CLEC14A: variants seen among roughly 807,000 people sequenced by gnomAD.
The protein encoded by CLEC14A is C-type lectin domain family 14 member A.
For missense variants in CLEC14A, 682 were observed against 659.9 expected, an observed-to-expected ratio of 1.03 and a Z score of -0.37; for synonymous variants, 349 against 292.0, an observed-to-expected ratio of 1.20 and a Z score of -1.99.
chr14:38,254,527 G>T lies in CLEC14A; in HGVS notation c.*23C>A, dbSNP rs201047214. 2.6e-4 allele frequency: 401 copies of T among 1,522,838 alleles called. 2 individuals are homozygous for T. The highest frequency in any genetic ancestry group is 1.8e-4 in the Middle Eastern group (1 of 5,660). 94.3% of individuals were successfully genotyped at this position (1,522,838 alleles called of 1,614,324 possible). The stretch of plus-strand genomic sequence containing the variant: ...ATCAAAAGTGAAAAACTGTTCACAG[G>T]AGTGCCCATGTCCCCTGTTTCCCTA... On this transcript the variant is annotated 3_prime_UTR_variant, in exon 1 of 1. Transcript: ENST00000342213.
chr14:38,254,498 T>A lies in CLEC14A; in HGVS notation c.*52A>T. On this transcript the variant is annotated 3_prime_UTR_variant, in exon 1 of 1. Coordinates refer to ENST00000342213, the MANE Select transcript of CLEC14A (RefSeq NM_175060.3). ...CAAGTAAGTTCCTCTTGGTTCCCCG[T>A]TTCATCAAAAGTGAAAAACTGTTCA... The A allele has an allele frequency of 6.7e-7, 1 of 1,486,846 alleles. No homozygotes were observed. Among genetic ancestry groups the A allele is most frequent in the Non-Finnish European group, 9.0e-7 (1 of 1,110,352 alleles). 92.1% of individuals were successfully genotyped at this position (1,486,846 alleles called of 1,614,324 possible).
Position 38,255,374 on chromosome 14 carries a change from G to A in CLEC14A, c.649C>T (p.Arg217Trp), listed in dbSNP as rs750035910. The A allele has an allele frequency of 7.4e-6, 12 of 1,613,474 alleles. No individual in the cohort carries two copies. The highest frequency in any genetic ancestry group is 1.6e-4 in the Middle Eastern group (1 of 6,062). The change falls in exon 1 of 1, where the codon CGG becomes TGG. Residue 217 changes from arginine (R) to tryptophan (W), a missense_variant. By Grantham distance (101) the Arg-to-Trp change is moderately radical. Coordinates refer to ENST00000342213, the MANE Select transcript of CLEC14A (RefSeq NM_175060.3). The surrounding 1 kb of genome is among the most constrained non-coding windows in gnomAD (Gnocchi z 5.1). Reference protein sequence around the residue: ...PPGTEVSALCRGQLPISVTCI... With the variant: ...PPGTEVSALCWGQLPISVTCI... ...GTAACTGAGATCGGGAGCTGTCCCC[G>A]GCAGAGCGCACTCACCTCGGTCCCA...
In CLEC14A at chr14:38,254,494, C is replaced by A; in HGVS notation, c.*56G>T. The A allele has an allele frequency of 6.8e-7, 1 of 1,470,318 alleles. No homozygotes were observed. Among genetic ancestry groups the A allele is most frequent in the Non-Finnish European group, 9.1e-7 (1 of 1,095,826 alleles). 91.1% of individuals were successfully genotyped at this position (1,470,318 alleles called of 1,614,324 possible). A position where few individuals can be genotyped will look rare whatever the true frequency, so the allele number is the denominator to read the frequency against. ...TACACAAGTAAGTTCCTCTTGGTTCCCCGTTTCATCAAAAGTGAAAAACTG... is the reference window on the plus strand; with the variant it reads ...TACACAAGTAAGTTCCTCTTGGTTCACCGTTTCATCAAAAGTGAAAAACTG... On this transcript the variant is annotated 3_prime_UTR_variant, in exon 1 of 1. Coordinates refer to ENST00000342213, the MANE Select transcript of CLEC14A (RefSeq NM_175060.3).
Position 38,255,224 on chromosome 14 carries a change from C to A in CLEC14A, c.799G>T (p.Gly267Ter), listed in dbSNP as rs1884021738. 6.2e-7 allele frequency: 1 copy of A among 1,613,776 alleles called. No homozygotes were observed. The highest frequency in any genetic ancestry group is 1.3e-5 in the African/African-American group (1 of 74,926). Reference sequence around the variant, plus strand: ...GTAGCACATTCGCAGGCAAAGCCTCCCAAGTCGTCTAGGCAGTTAGGGAGC... The same window carrying A: ...GTAGCACATTCGCAGGCAAAGCCTCACAAGTCGTCTAGGCAGTTAGGGAGC... ...AELPNCLDDL[G>*]GFACECATGF... The change falls in exon 1 of 1, where the codon GGA (glycine) becomes TGA (stop). Residue 267 changes from glycine to a stop codon, truncating the protein, a stop_gained. Transcript: ENST00000342213. LOFTEE classifies it low-confidence loss of function (END_TRUNC). This position sits in a 1 kb window ranked among gnomAD's most constrained non-coding sequence, Gnocchi z 5.1.
At position 38,254,987 on chromosome 14, in the gene CLEC14A, T is replaced by C. The variant is rs1884013587; in HGVS notation, c.1036A>G (p.Ile346Val). The part of the protein sequence containing the change: ...QDNSVTSIPE[I>V]PRWGSQSTMS... ...GTGCTCTGTGATCCCCATCGAGGAA[T>C]CTCAGGAATAGATGTTACTGAATTG... Residue 346 changes from isoleucine (I) to valine (V), a missense_variant, in exon 1 of 1, where the codon ATT becomes GTT. Physicochemically the swap from Ile to Val is conservative, Grantham distance 29 (BLOSUM62 3). Coordinates refer to ENST00000342213, the MANE Select transcript of CLEC14A (RefSeq NM_175060.3). The C allele has an allele frequency of 6.2e-7, 1 of 1,613,978 alleles. No homozygotes were observed. The highest frequency in any genetic ancestry group is 8.5e-7 in the Non-Finnish European group (1 of 1,180,010).
In CLEC14A at chr14:38,255,230, C is replaced by A. The variant is rs780001182; in HGVS notation, c.793G>T (p.Asp265Tyr). The change falls in exon 1 of 1, where the codon GAC (aspartate) becomes TAC (tyrosine). Residue 265 changes from aspartate (D) to tyrosine (Y), a missense_variant. Physicochemically the swap from Asp to Tyr is radical, Grantham distance 160. Transcript: ENST00000342213. This position sits in a 1 kb window ranked among gnomAD's most constrained non-coding sequence, Gnocchi z 5.1. The part of the protein sequence containing the change: ...KCAELPNCLD[D>Y]LGGFACECAT... ...CATTCGCAGGCAAAGCCTCCCAAGT[C>A]GTCTAGGCAGTTAGGGAGCTCTGCG... 6 of 1,613,784 alleles carry A rather than the reference C, an allele frequency of 3.7e-6. No individual in the cohort carries two copies. In the East Asian group the frequency reaches 8.9e-5, roughly 24 times the overall value.
At position 38,256,037 on chromosome 14, in the gene CLEC14A, C is replaced by T. The variant is rs1454637325; in HGVS notation, c.-15G>A. On this transcript the variant is annotated 5_prime_UTR_variant, in exon 1 of 1. Transcript: ENST00000342213. ...GCCGGCCTCATTCTCTGAGGCCCCG[C>T]ACGCAGAGCTGCTCCCAACTTGGAT... The T allele has an allele frequency of 1.7e-5, 26 of 1,505,428 alleles. No individual in the cohort carries two copies. Among genetic ancestry groups the T allele is most frequent in the Non-Finnish European group, 2.3e-5 (26 of 1,128,160 alleles). 93.3% of individuals were successfully genotyped at this position (1,505,428 alleles called of 1,614,324 possible). A position where few individuals can be genotyped will look rare whatever the true frequency, so the allele number is the denominator to read the frequency against.
chr14:38,254,771 G>A lies in CLEC14A; in HGVS notation c.1252C>T (p.Leu418=), dbSNP rs1429302089. ...VVLVILTMTV[L]GLVKLCFHES... The stretch of plus-strand genomic sequence containing the variant: ...TGAAAGCAGAGCTTGACAAGCCCCA[G>A]TACTGTCATGGTCAAGATCACCAAC... The change falls in exon 1 of 1, where the codon CTG becomes TTG. Residue 418 remains leucine, a synonymous_variant. Transcript: ENST00000342213. 1 of 1,614,160 alleles carries A rather than the reference G, an allele frequency of 6.2e-7. No individual in the cohort carries two copies. The highest frequency in any genetic ancestry group is 1.1e-5 in the South Asian group (1 of 91,086).
rs1225516706 is a variant in CLEC14A at position 38,255,840 on chromosome 14, G to A, written c.183C>T (p.Leu61=). 6.5e-7 allele frequency: 1 copy of A among 1,547,684 alleles called. No homozygotes were observed. Among genetic ancestry groups the A allele is most frequent in the East Asian group, 2.4e-5 (1 of 41,470 alleles). The change falls in exon 1 of 1, where the codon CTC becomes CTT. Residue 61 remains leucine, a synonymous_variant. Coordinates refer to ENST00000342213, the MANE Select transcript of CLEC14A (RefSeq NM_175060.3). This position sits in a 1 kb window ranked among gnomAD's most constrained non-coding sequence, Gnocchi z 5.1. ...EEACILRGGA[L]STVRAGAELR... ...GCTCGGCGCCCGCACGCACGGTGCT[G>A]AGCGCCCCACCTCGCAGGATGCAGG...
rs1482390868 is a variant in CLEC14A at position 38,256,050 on chromosome 14, T to C, written c.-28A>G. On this transcript the variant is annotated 5_prime_UTR_variant, in exon 1 of 1. Transcript: ENST00000342213. ...TCTGAGGCCCCGCACGCAGAGCTGC[T>C]CCCAACTTGGATCTGTCCCGCTCGA... 1 of 1,492,524 alleles carries C rather than the reference T, an allele frequency of 6.7e-7. No individual in the cohort carries two copies. Among genetic ancestry groups the C allele is most frequent in the Admixed American group, 2.3e-5 (1 of 44,022 alleles). 92.5% of individuals were successfully genotyped at this position (1,492,524 alleles called of 1,614,324 possible). A position where few individuals can be genotyped will look rare whatever the true frequency, so the allele number is the denominator to read the frequency against.
In CLEC14A at chr14:38,255,715, C is replaced by T. The variant is rs1020290207; in HGVS notation, c.308G>A (p.Cys103Tyr). The change falls in exon 1 of 1, where the codon TGC becomes TAC. Residue 103 changes from cysteine (C) to tyrosine (Y), a missense_variant. Cys to Tyr is a radical substitution (Grantham distance 194, BLOSUM62 -2). Coordinates refer to ENST00000342213, the MANE Select transcript of CLEC14A (RefSeq NM_175060.3). The surrounding 1 kb of genome is among the most constrained non-coding windows in gnomAD (Gnocchi z 5.1). ...WVALERRRSH[C>Y]TLENEPLRGF... ...CCGCAAAGGCTCGTTCTCCAGGGTG[C>T]AGTGGGAACGCCTGCGCTCCAGTGC... is the stretch of plus-strand genomic sequence containing the variant. 1 of 1,567,382 alleles carries T rather than the reference C, an allele frequency of 6.4e-7. No homozygotes were observed. The highest frequency in any genetic ancestry group is 8.6e-7 in the Non-Finnish European group (1 of 1,159,524).
In CLEC14A at chr14:38,255,835, G is replaced by A; in HGVS notation, c.188C>T (p.Thr63Ile). Residue 63 changes from threonine (T) to isoleucine (I), a missense_variant, in exon 1 of 1, where the codon ACC becomes ATC. Transcript: ENST00000342213. This position sits in a 1 kb window ranked among gnomAD's most constrained non-coding sequence, Gnocchi z 5.1. ...ACILRGGALS[T>I]VRAGAELRAV... ...GCGCAGCTCGGCGCCCGCACGCACG[G>A]TGCTGAGCGCCCCACCTCGCAGGAT... 1 of 1,545,442 alleles carries A rather than the reference G, an allele frequency of 6.5e-7. No individual in the cohort carries two copies. Among genetic ancestry groups the A allele is most frequent in the South Asian group, 1.2e-5 (1 of 84,750 alleles).
rs779328236 is a variant in CLEC14A at position 38,254,260 on chromosome 14, T to C, written c.*290A>G. The C allele has an allele frequency of 8.0e-5, 24 of 298,794 alleles. No homozygotes were observed. Among genetic ancestry groups the C allele is most frequent in the Non-Finnish European group, 1.3e-4 (22 of 163,210 alleles). 18.5% of individuals were successfully genotyped at this position (298,794 alleles called of 1,614,324 possible). On this transcript the variant is annotated 3_prime_UTR_variant, in exon 1 of 1. Coordinates refer to ENST00000342213, the MANE Select transcript of CLEC14A (RefSeq NM_175060.3). Reference sequence around the variant, plus strand: ...TATATTGTGTTCTATTTGTTTCCAATGTCTTGAAAAGTTCAATCACTTCTC... The same window carrying C: ...TATATTGTGTTCTATTTGTTTCCAACGTCTTGAAAAGTTCAATCACTTCTC...
rs1884003819 is a variant in CLEC14A at position 38,254,675 on chromosome 14, C to T, written c.1348G>A (p.Ala450Thr). Residue 450 changes from alanine to threonine, a missense_variant, in exon 1 of 1, where the codon GCT becomes ACT. Transcript: ENST00000342213. ...PPGLESDPEP[A>T]ALGSSSAHCT... is the part of the protein sequence containing the mutation. ...TGTGCAGAACTGGAGCCCAAAGCAGCGGGCTCAGGATCACTCTCCAGGCCC... is the reference window on the plus strand; with the variant it reads ...TGTGCAGAACTGGAGCCCAAAGCAGTGGGCTCAGGATCACTCTCCAGGCCC... 1 of 1,614,018 alleles carries T rather than the reference C, an allele frequency of 6.2e-7. No homozygotes were observed. Among genetic ancestry groups the T allele is most frequent in the African/African-American group, 1.3e-5 (1 of 74,914 alleles).
Position 38,254,846 on chromosome 14 carries a change from C to T in CLEC14A, c.1177G>A (p.Asp393Asn), listed in dbSNP as rs112354022. ...ATGAAGACCACGGCAGAGGAGGAGT[C>T]GAAAGCCTGAGGAGTGGCAGAGGAA... ...TTSSATPQAF[D>N]SSSAVVFIFV... The change falls in exon 1 of 1, where the codon GAC becomes AAC. Residue 393 changes from aspartate (D) to asparagine (N), a missense_variant. Asp to Asn is a conservative substitution (Grantham distance 23). Coordinates refer to ENST00000342213, the MANE Select transcript of CLEC14A (RefSeq NM_175060.3). 302 of 1,614,052 alleles carry T rather than the reference C, an allele frequency of 1.9e-4. 1 individual carries two copies. The African/African-American group carries it at 3.0e-3, about 16-fold the overall frequency.
chr14:38,255,998 G>T lies in CLEC14A; in HGVS notation c.25C>A (p.Leu9Ile). Residue 9 changes from leucine to isoleucine, a missense_variant, in exon 1 of 1, where the codon CTC becomes ATC. Physicochemically the swap from Leu to Ile is conservative, Grantham distance 5 (BLOSUM62 2). Coordinates refer to ENST00000342213, the MANE Select transcript of CLEC14A (RefSeq NM_175060.3). This position sits in a 1 kb window ranked among gnomAD's most constrained non-coding sequence, Gnocchi z 5.1. MRPAFALC[L>I]LWQALWPGPG... ...CCGGGCCAGAGCGCCTGCCAGAGGA[G>T]GCACAGGGCGAACGCCGGCCTCATT... The T allele has an allele frequency of 6.5e-7, 1 of 1,535,876 alleles. No homozygotes were observed. Among genetic ancestry groups the T allele is most frequent in the African/African-American group, 1.4e-5 (1 of 71,448 alleles).
At position 38,255,654 on chromosome 14, in the gene CLEC14A, G is replaced by A. The variant is rs755172598; in HGVS notation, c.369C>T (p.Leu123=). The A allele has an allele frequency of 6.2e-7, 1 of 1,605,360 alleles. No homozygotes were observed. The highest frequency in any genetic ancestry group is 8.5e-7 in the Non-Finnish European group (1 of 1,178,538). The change falls in exon 1 of 1, where the codon CTC becomes CTT. Residue 123 remains leucine (L), a synonymous_variant. Coordinates refer to ENST00000342213, the MANE Select transcript of CLEC14A (RefSeq NM_175060.3). This position sits in a 1 kb window ranked among gnomAD's most constrained non-coding sequence, Gnocchi z 5.1. The stretch of plus-strand genomic sequence containing the variant: ...CCACCCACTGCAGCGTGTCGCTTTC[G>A]AGACCGCCGGGGTCGGAGGACAGCC... The part of the protein sequence containing the change: ...FSWLSSDPGG[L]ESDTLQWVEE...
chr14:38,255,225 C>G lies in CLEC14A; in HGVS notation c.798G>C (p.Leu266Phe), dbSNP rs757107915. ...TAGCACATTCGCAGGCAAAGCCTCCCAAGTCGTCTAGGCAGTTAGGGAGCT... is the reference window on the plus strand; with the variant it reads ...TAGCACATTCGCAGGCAAAGCCTCCGAAGTCGTCTAGGCAGTTAGGGAGCT... ...CAELPNCLDD[L>F]GGFACECATG... Residue 266 changes from leucine to phenylalanine, a missense_variant, in exon 1 of 1, where the codon TTG becomes TTC. Transcript: ENST00000342213. This position sits in a 1 kb window ranked among gnomAD's most constrained non-coding sequence, Gnocchi z 5.1. 1 of 1,613,920 alleles carries G rather than the reference C, an allele frequency of 6.2e-7. No individual in the cohort carries two copies. The highest frequency in any genetic ancestry group is 8.5e-7 in the Non-Finnish European group (1 of 1,180,040).
rs150923168 is a variant in CLEC14A at position 38,254,664 on chromosome 14, G to T, written c.1359C>A (p.Gly453=). Residue 453 remains glycine, a synonymous_variant, in exon 1 of 1, where the codon GGC becomes GGA. Coordinates refer to ENST00000342213, the MANE Select transcript of CLEC14A (RefSeq NM_175060.3). The stretch of plus-strand genomic sequence containing the variant: ...TGTTTGTGCAATGTGCAGAACTGGA[G>T]CCCAAAGCAGCGGGCTCAGGATCAC... The part of the protein sequence containing the change: ...LESDPEPAAL[G]SSSAHCTNNG... The T allele has an allele frequency of 6.2e-7, 1 of 1,614,176 alleles. No homozygotes were observed. The highest frequency in any genetic ancestry group is 1.7e-5 in the Admixed American group (1 of 60,028).
Sources: allele counts gnomAD v4.1 joint callset, GRCh38; gene constraint gnomAD v4.1.1; non-coding constraint Gnocchi (gnomAD v3.1); transcripts MANE v1.5; gene names NCBI Gene and HGNC (gene_info 2026-07-23, HGNC 2026-07-21).